The following YTHDC2 variants were observed in gnomAD, a reference collection of about 807,000 sequenced individuals.
The protein encoded by YTHDC2 is YTH N6-methyladenosine RNA binding protein C2.
YTHDC2 carries 45 observed loss-of-function variants against 174.9 expected under a neutral mutation model. The observed-to-expected ratio is 0.26, with a 90% CI of 0.20 to 0.33. The LOEUF (loss-of-function observed/expected upper bound fraction) is 0.33, where lower values mean the gene tolerates loss of function less well. Ranked by LOEUF, YTHDC2 falls within the 10% of genes least tolerant of loss-of-function variation. The pLI, the probability that YTHDC2 is intolerant of heterozygous loss-of-function variation, is 1.00. For synonymous variants in YTHDC2, 657 were observed against 574.5 expected (o/e 1.14, Z -2.05); for missense variants, 1,650 against 1,723.7 (o/e 0.96, Z 0.76).
chr5:113,551,952 A>G (rs1776277912), intron 12 of YTHDC2, among the ~76,000 whole-genome samples: 1 of 152,126 alleles, frequency 6.6e-6, no homozygotes, highest in Non-Finnish European at 1.5e-5. Flanking sequence ...CAAGGCATTT[A>G]TTTCAGTAAT....
At chr5:113,571,551 G>C (rs1053836801) in intron 23 of YTHDC2, among the ~76,000 whole-genome samples, 3 of 152,158 alleles carry the variant, frequency 2.0e-5, no homozygotes, top group African/African-American at 7.2e-5. Flanking sequence ...CAAAAGAAAG[G>C]GTATCAGCTC....
intron 29 of YTHDC2, 26 bp from the exon 30 acceptor site, chr5:113,593,444 TTCAGATTATTTA>T: frequency 1.5e-6 from 2 of 1,362,576 alleles, no homozygotes; most frequent in Non-Finnish European, 2.1e-6. Context: ...TTAGGAACCT[TTCAGATTATTTA>T]TCTTTTTTTT....
At chr5:113,553,383 A>C in intron 13 of YTHDC2, 24 bp downstream of exon 13, 1 of 1,573,560 alleles carries the variant, frequency 6.4e-7, no homozygotes, top group Non-Finnish European at 8.6e-7. Flanking sequence ...GTCTAAAAGA[A>C]CTGGAGCAAA....
chr5:113,527,228 G>A (rs985382842), intron 4 of YTHDC2, among the ~76,000 whole-genome samples: 1 of 152,118 alleles, frequency 6.6e-6, no homozygotes, highest in Admixed American at 6.5e-5. Flanking sequence ...GATTATCTCT[G>A]TAAAGTGCCT....
intron 22 of YTHDC2, 132 bp from the exon 23 acceptor site, chr5:113,567,522 C>A: frequency 1.3e-6 from 1 of 773,626 alleles, no homozygotes; most frequent in Non-Finnish European, 1.9e-6. Context: ...TGAGCGATGA[C>A]TTGTTTTAAT....
chr5:113,542,424 C>T lies in YTHDC2; in HGVS notation c.1416C>T (p.Cys472=), dbSNP rs763753767. The change falls in exon 10 of 30, where the codon TGC becomes TGT. Residue 472 remains cysteine, a synonymous_variant. Coordinates refer to ENST00000161863, the MANE Select transcript of YTHDC2 (RefSeq NM_022828.5). ...EPWLIKEMDA[C]LSDIWLHKDI... is the part of the protein sequence containing the mutation. Reference sequence around the variant, plus strand: ...GGTTAATAAAGGAAATGGATGCTTGCCTTTCTGATATATGGCTACATAAAG... The same window carrying T: ...GGTTAATAAAGGAAATGGATGCTTGTCTTTCTGATATATGGCTACATAAAG... 1.2e-6 allele frequency: 2 copies of T among 1,612,668 alleles called. No homozygotes were observed. Among genetic ancestry groups the T allele is most frequent in the Non-Finnish European group, 1.7e-6 (2 of 1,179,460 alleles).
chr5:113,571,779 C>T (rs569364465), intron 23 of YTHDC2, among the ~76,000 whole-genome samples: 24 of 152,092 alleles, frequency 1.6e-4, no homozygotes, highest in Admixed American at 1.4e-3. Context: ...TTTATAGTAT[C>T]CTTTGATGGT....
At chr5:113,567,353 C>G in intron 22 of YTHDC2, 56 bp downstream of exon 22, 2 of 1,396,602 alleles carry the variant, frequency 1.4e-6, no homozygotes, top group Non-Finnish European at 1.9e-6. Flanking sequence ...AGGTAGTTCA[C>G]TATCAATGAA....
chr5:113,555,494 G>A (rs887910697), intron 16 of YTHDC2, among the ~76,000 whole-genome samples: 1 of 152,032 alleles, frequency 6.6e-6, no homozygotes, highest in African/African-American at 2.4e-5. Context: ...GGATAACAAT[G>A]GTTCTTTTTT....
At chr5:113,553,073 G>T in intron 12 of YTHDC2, 108 bp from the exon 13 acceptor site, 5 of 1,055,338 alleles carry the variant, frequency 4.7e-6, no homozygotes, top group Middle Eastern at 2.7e-4. Context: ...AGGACATTAA[G>T]TGTCACTTAC....
At chr5:113,527,819 C>T (rs1449532025) in intron 4 of YTHDC2, among the ~76,000 whole-genome samples, 1 of 152,076 alleles carries the variant, frequency 6.6e-6, no homozygotes, top group Non-Finnish European at 1.5e-5. Flanking sequence ...GACCAAGTCT[C>T]TGTCTGTCAC....
chr5:113,545,655 A>G (rs975794751), intron 10 of YTHDC2, among the ~76,000 whole-genome samples: 4 of 151,826 alleles, frequency 2.6e-5, no homozygotes, highest in Admixed American at 1.3e-4. Context: ...TGCCTCCCAA[A>G]GTGCTGGGAT....
intron 18 of YTHDC2, among the ~76,000 whole-genome samples, chr5:113,562,701 C>G (rs995813642): frequency 6.6e-6 from 1 of 152,082 alleles, no homozygotes; most frequent in African/African-American, 2.4e-5. Context: ...CCCCTTATTC[C>G]TTATATAGTT....
At chr5:113,548,745 TTTATA>T in intron 11 of YTHDC2, 78 bp downstream of exon 11, 1 of 1,426,538 alleles carries the variant, frequency 7.0e-7, no homozygotes. Context: ...TATGTTTGTC[TTTATA>T]TTAAAAACTA....
At chr5:113,538,376 T>G (rs1775224894) in intron 7 of YTHDC2, among the ~76,000 whole-genome samples, 2 of 152,144 alleles carry the variant, frequency 1.3e-5, no homozygotes, top group Admixed American at 1.3e-4. Context: ...GATAAAGACA[T>G]AAACCCTTAG....
At chr5:113,522,048 T>C (rs1394948643) in intron 2 of YTHDC2, among the ~76,000 whole-genome samples, 1 of 151,818 alleles carries the variant, frequency 6.6e-6, no homozygotes, top group Non-Finnish European at 1.5e-5. Flanking sequence ...GCTAGATCTT[T>C]GCATCTGTCT....
At chr5:113,563,838 G>A (rs756292226) in intron 19 of YTHDC2, 21 bp from the exon 20 acceptor site, 3 of 1,613,414 alleles carry the variant, frequency 1.9e-6, no homozygotes, top group Non-Finnish European at 2.5e-6. Flanking sequence ...ATCAAAGTCT[G>A]TTCTGTCTCC....
intron 26 of YTHDC2, among the ~76,000 whole-genome samples, chr5:113,589,406 A>ATATAT (rs1350140447): frequency 5.4e-4 from 60 of 111,142 alleles, no homozygotes; most frequent in African/African-American, 1.2e-3. Context: ...AAAAAAAAAA[A>ATATAT]AAATATATAT....
chr5:113,534,350 G>A lies in YTHDC2; in HGVS notation c.888G>A (p.Leu296=). The A allele has an allele frequency of 6.2e-7, 1 of 1,612,872 alleles. No individual in the cohort carries two copies. Among genetic ancestry groups the A allele is most frequent in the Non-Finnish European group, 8.5e-7 (1 of 1,179,228 alleles). Residue 296 remains leucine (L), a synonymous_variant, in exon 6 of 30, where the codon TTG becomes TTA. Coordinates refer to ENST00000161863, the MANE Select transcript of YTHDC2 (RefSeq NM_022828.5). ...TLLTFCTNGV[L]LRTLMAGDST... ...TGACATTTTGTACTAATGGGGTATTGCTTCGTACATTGATGGCAGGAGATA... is the reference window on the plus strand; with the variant it reads ...TGACATTTTGTACTAATGGGGTATTACTTCGTACATTGATGGCAGGAGATA...
Sources: allele counts gnomAD v4.1 joint callset (sites outside exome capture counted in the v4.1 genomes callset), GRCh38; gene constraint gnomAD v4.1.1; transcripts MANE v1.5; gene names NCBI Gene and HGNC (gene_info 2026-07-23, HGNC 2026-07-21).